The following ZNF76 variants were observed in gnomAD, a reference collection of about 807,000 sequenced individuals.
The protein encoded by ZNF76 is zinc finger protein 76, also known as zinc finger protein 523.
A neutral mutation model predicts 66.9 loss-of-function variants in ZNF76; 66 were observed. The observed-to-expected ratio is 0.99, with a 90% CI of 0.81 to 1.21. ZNF76 has a LOEUF of 1.21. Among genes scored for constraint, ZNF76 ranks in the 50% most tolerant of loss-of-function variants. ZNF76 has a pLI of 0.00. For synonymous variants in ZNF76, 275 were observed against 296.1 expected (o/e 0.93, Z 0.73); for missense variants, 729 against 760.3 (o/e 0.96, Z 0.48).
At chr6:35,262,373 C>T (rs141248756) in intron 1 of ZNF76, among the ~76,000 whole-genome samples, 1 of 152,300 alleles carries the variant, frequency 6.6e-6, no homozygotes, top group East Asian at 1.9e-4. Flanking sequence ...TTCCTACTGC[C>T]ATTTTCTCAA....
chr6:35,292,249 T>G lies in ZNF76; in HGVS notation c.932-305T>G. ...TGCCTCTTGCCTCTGCTGTTCACCA[T>G]TCTCAACCTCCCACCCTCAACCTTA... On this transcript the variant is annotated intron_variant, in intron 9 of 13. Transcript: ENST00000373953. The surrounding 1 kb of genome is among the most constrained non-coding windows in gnomAD (Gnocchi z 4.7). 2.1e-5 allele frequency: 10 copies of G among 473,476 alleles called. No homozygotes were observed. The highest frequency in any genetic ancestry group is 3.4e-5 in the Admixed American group (1 of 29,746). The allele number at this position is 473,476 out of a possible 1,614,324, so 29.3% of individuals were successfully genotyped here.
At chr6:35,294,318 T>C (rs1384647563) in intron 12 of ZNF76, 138 bp from the exon 13 acceptor site, 1 of 647,230 alleles carries the variant, frequency 1.5e-6, no homozygotes, top group Non-Finnish European at 2.7e-6. Flanking sequence ...AGCCTCAGGC[T>C]AATTAATCTG....
intron 1 of ZNF76, among the ~76,000 whole-genome samples, chr6:35,264,001 T>C (rs1785621908): frequency 1.3e-5 from 2 of 152,226 alleles, no homozygotes; most frequent in South Asian, 4.1e-4. Context: ...TCCACTCGCC[T>C]CAGCCTCCCA....
intron 1 of ZNF76, among the ~76,000 whole-genome samples, chr6:35,269,206 G>C (rs1786610301): frequency 6.6e-6 from 1 of 150,476 alleles, no homozygotes; most frequent in Admixed American, 6.6e-5. Context: ...GCTTGAACCT[G>C]GGAGGCGGAG....
intron 1 of ZNF76, among the ~76,000 whole-genome samples, chr6:35,280,516 T>TCCCCCCC (rs5875514): frequency 4.9e-4 from 48 of 97,686 alleles, no homozygotes; most frequent in African/African-American, 5.9e-4. Flanking sequence ...TCAAGCATGA[T>TCCCCCCC]CCCCCCCCCC....
Position 35,287,695 on chromosome 6 carries a change from CACTGCCT to C in ZNF76, c.285_291del (p.Ala96PhefsTer85). On this transcript the variant is annotated frameshift_variant, in exon 5 of 14. Coordinates refer to ENST00000373953, the MANE Select transcript of ZNF76 (RefSeq NM_003427.5). LOFTEE classifies it high-confidence loss of function. This position sits in a 1 kb window ranked among gnomAD's most constrained non-coding sequence, Gnocchi z 4.0. ...AAGCCGTCCAACTGGAAGATGGCTC[CACTGCCT>C]ACATTCACCACCCTGTGGCTGTGCC... 1 of 1,614,178 alleles carries C rather than the reference CACTGCCT, an allele frequency of 6.2e-7. No individual in the cohort carries two copies. The highest frequency in any genetic ancestry group is 8.5e-7 in the Non-Finnish European group (1 of 1,179,992).
chr6:35,276,118 T>A (rs1184055283), intron 1 of ZNF76, among the ~76,000 whole-genome samples: 1 of 152,196 alleles, frequency 6.6e-6, no homozygotes, highest in East Asian at 1.9e-4. Flanking sequence ...TCCTCATCAG[T>A]TATTTTTAAG....
chr6:35,271,511 A>G (rs1004741947), intron 1 of ZNF76, among the ~76,000 whole-genome samples: 5 of 152,242 alleles, frequency 3.3e-5, no homozygotes, highest in Admixed American at 6.5e-5. Context: ...TCTACTAAAA[A>G]TACAAAAAAT....
intron 2 of ZNF76, among the ~76,000 whole-genome samples, chr6:35,284,737 G>T (rs1187797203): frequency 6.7e-6 from 1 of 149,828 alleles, no homozygotes. Flanking sequence ...TTCAGACAGG[G>T]TCTTACTCTG....
chr6:35,274,754 C>T (rs910736067), intron 1 of ZNF76, among the ~76,000 whole-genome samples: 1 of 152,188 alleles, frequency 6.6e-6, no homozygotes, highest in Non-Finnish European at 1.5e-5. Context: ...TGTTCTCTCT[C>T]CTCAATAATT....
In ZNF76 at chr6:35,292,863, T is replaced by G; in HGVS notation, c.1166-18T>G. ...TGGCATCTGGTAGCAGATGTCAGCC[T>G]TGGCTCTCCTCTCCCAGCCGCCTCT... On this transcript the variant is annotated intron_variant, in intron 10 of 13. Transcript: ENST00000373953. The surrounding 1 kb of genome is among the most constrained non-coding windows in gnomAD (Gnocchi z 4.7). 1 of 1,614,024 alleles carries G rather than the reference T, an allele frequency of 6.2e-7. No homozygotes were observed. Among genetic ancestry groups the G allele is most frequent in the Non-Finnish European group, 8.5e-7 (1 of 1,179,972 alleles).
chr6:35,281,662 T>A (rs1788786973), intron 2 of ZNF76, among the ~76,000 whole-genome samples: 1 of 152,202 alleles, frequency 6.6e-6, no homozygotes, highest in South Asian at 2.1e-4. Context: ...CCAGGCATAG[T>A]GGCTCATGTC....
chr6:35,262,268 A>G lies in ZNF76; in HGVS notation c.-97+2427A>G, dbSNP rs1256259745. On this transcript the variant is annotated intron_variant, in intron 1 of 13. Coordinates refer to ENST00000373953, the MANE Select transcript of ZNF76 (RefSeq NM_003427.5). ...GAGGGCACCTCTTTATGAGGAGGGT[A>G]TTATGACCTGCTTCAGGGGAAAGTC... 1.3e-5 allele frequency among the ~76,000 whole-genome samples: 2 copies of G among 152,136 alleles called. 1 individual carries two copies. Among genetic ancestry groups the G allele is most frequent in the Non-Finnish European group, 2.9e-5 (2 of 68,022 alleles).
rs1465703698 is a variant in ZNF76 at position 35,293,746 on chromosome 6, G to A, written c.1330-5G>A. On this transcript the variant is annotated splice_polypyrimidine_tract_variant and splice_region_variant and intron_variant, in intron 11 of 13. Coordinates refer to ENST00000373953, the MANE Select transcript of ZNF76 (RefSeq NM_003427.5). ...TGCCAGCTCATCTTCCCCTCCTGTT[G>A]GCAGGTCAGCCTGTCCCCGGAAGAC... The A allele has an allele frequency of 1.2e-6, 2 of 1,613,108 alleles. No individual in the cohort carries two copies.
At chr6:35,281,621 G>T (rs970561428) in intron 2 of ZNF76, among the ~76,000 whole-genome samples, 2 of 152,040 alleles carry the variant, frequency 1.3e-5, no homozygotes, top group Non-Finnish European at 2.9e-5. Flanking sequence ...AAACTACTAA[G>T]CATCTGCCAT....
chr6:35,273,209 C>G (rs2150349325), intron 1 of ZNF76, among the ~76,000 whole-genome samples: 1 of 151,536 alleles, frequency 6.6e-6, no homozygotes, highest in South Asian at 2.1e-4. Flanking sequence ...ACTCTGTTGC[C>G]CAGTGAACTC....
At position 35,281,158 on chromosome 6, in the gene ZNF76, A is replaced by G; in HGVS notation, c.7A>G (p.Ser3Gly). ME[S>G]LGLHTVTLSD... ...GCACGAGCAGCAGTTTGCCATGGAG[A>G]GCTTGGGGCTGCACACGGTGACCCT... Residue 3 changes from serine (S) to glycine (G), a missense_variant, in exon 2 of 14, where the codon AGC (serine) becomes GGC (glycine). Transcript: ENST00000373953. 1 of 1,613,926 alleles carries G rather than the reference A, an allele frequency of 6.2e-7. No individual in the cohort carries two copies. Among genetic ancestry groups the G allele is most frequent in the East Asian group, 2.2e-5 (1 of 44,876 alleles).
chr6:35,260,299 AC>A (rs796397833), intron 1 of ZNF76, among the ~76,000 whole-genome samples: 17 of 150,112 alleles, frequency 1.1e-4, no homozygotes, highest in African/African-American at 4.2e-4. Flanking sequence ...TGGCCCAGTA[AC>A]CCCCCCGATT....
At chr6:35,294,140 TG>T (rs1582208025) in intron 12 of ZNF76, 2 of 611,080 alleles carry the variant, frequency 3.3e-6, no homozygotes, top group African/African-American at 1.9e-5. Flanking sequence ...AACCCTGATT[TG>T]TTGTGCAACC....
Sources: allele counts gnomAD v4.1 joint callset (sites outside exome capture counted in the v4.1 genomes callset), GRCh38; gene constraint gnomAD v4.1.1; non-coding constraint Gnocchi (gnomAD v3.1); transcripts MANE v1.5; gene names NCBI Gene and HGNC (gene_info 2026-07-23, HGNC 2026-07-21).